The following SMYD3 variants were observed in gnomAD, a reference collection of about 807,000 sequenced individuals.
SMYD3 encodes histone-lysine N-methyltransferase SMYD3.
Under a neutral mutation model 57.7 loss-of-function variants are expected in SMYD3, and 36 were observed. The observed-to-expected ratio is 0.62, with a 90% confidence interval of 0.48 to 0.82. The LOEUF (loss-of-function observed/expected upper bound fraction) is 0.82. Among genes scored for constraint, SMYD3 ranks in the 40% least tolerant of loss-of-function variants. The pLI is 0.00. For missense variants in SMYD3, 515 were observed against 538.8 expected, an observed-to-expected ratio of 0.96 and a Z score of 0.44; for synonymous variants, 211 against 195.0, an observed-to-expected ratio of 1.08 and a Z score of -0.68.
chr1:246,336,173 T>C (rs1291307237), intron 2 of SMYD3, among the ~76,000 whole-genome samples: 14 of 152,238 alleles, frequency 9.2e-5, no homozygotes, highest in East Asian at 1.9e-4. Flanking sequence ...AAAGAGACCA[T>C]TGAGTCAGTT....
intron 5 of SMYD3, among the ~76,000 whole-genome samples, chr1:246,176,364 G>T (rs2062434264): frequency 6.6e-6 from 1 of 152,128 alleles, no homozygotes; most frequent in African/African-American, 2.4e-5. Context: ...GCCCTTGGCA[G>T]AAAGAGATAA....
intron 5 of SMYD3, among the ~76,000 whole-genome samples, chr1:246,085,559 C>T (rs917346097): frequency 2.6e-5 from 4 of 152,154 alleles, no homozygotes; most frequent in Non-Finnish European, 5.9e-5. Context: ...CATGCAGTGA[C>T]ATAGAGACCT....
At chr1:245,929,971 G>C in intron 5 of SMYD3, 34 bp from the exon 6 acceptor site, 1 of 1,579,352 alleles carries the variant, frequency 6.3e-7, no homozygotes, top group South Asian at 1.1e-5. Flanking sequence ...AGTATTACTA[G>C]AGTCACTTAA....
intron 2 of SMYD3, among the ~76,000 whole-genome samples, chr1:246,347,434 G>T (rs72778112): frequency 0.15 from 23,137 of 152,158 alleles, 2,029 homozygotes; most frequent in East Asian, 0.3. Context: ...AGAGAAGCCA[G>T]ATTTTTATAG....
At chr1:246,299,755 G>A (rs182228416) in intron 5 of SMYD3, among the ~76,000 whole-genome samples, 28 of 152,214 alleles carry the variant, frequency 1.8e-4, no homozygotes, top group African/African-American at 6.7e-4. Flanking sequence ...AACACCGCAT[G>A]TTCTCACTTG....
chr1:245,970,799 A>G (rs2058280096), intron 5 of SMYD3, among the ~76,000 whole-genome samples: 1 of 152,230 alleles, frequency 6.6e-6, no homozygotes, highest in African/African-American at 2.4e-5. Flanking sequence ...GGGAAACAAC[A>G]GGTGCTGGAG....
intron 5 of SMYD3, among the ~76,000 whole-genome samples, chr1:246,179,609 G>A (rs1283974542): frequency 6.6e-6 from 1 of 152,196 alleles, no homozygotes; most frequent in Admixed American, 6.5e-5. Flanking sequence ...TTTGGGAAAT[G>A]TAATAGCAAG....
intron 5 of SMYD3, among the ~76,000 whole-genome samples, chr1:246,267,916 G>A (rs900617271): frequency 6.6e-6 from 1 of 152,178 alleles, no homozygotes; most frequent in Non-Finnish European, 1.5e-5. Context: ...CCCTAAAGAA[G>A]CAAGATCATT....
intron 1 of SMYD3, among the ~76,000 whole-genome samples, chr1:246,494,725 C>T (rs2068329338): frequency 6.6e-6 from 1 of 152,170 alleles, no homozygotes. Context: ...AAAATGCTAA[C>T]AAGGATTAAA....
intron 9 of SMYD3, 28 bp from the exon 10 acceptor site, chr1:245,858,698 T>G (rs774236199): frequency 1.9e-6 from 3 of 1,599,032 alleles, no homozygotes; most frequent in Middle Eastern, 1.7e-4. Context: ...TAAGGATTCA[T>G]TGTCTTCATC....
intron 1 of SMYD3, among the ~76,000 whole-genome samples, chr1:246,446,751 C>T (rs184272194): frequency 2.2e-3 from 328 of 152,106 alleles, no homozygotes; most frequent in African/African-American, 7.5e-3. Flanking sequence ...CATCCTAGGC[C>T]GGGCGCTGTG....
intron 10 of SMYD3, among the ~76,000 whole-genome samples, chr1:245,807,011 T>C (rs1453533182): frequency 6.7e-6 from 1 of 150,310 alleles, no homozygotes; most frequent in Non-Finnish European, 1.5e-5. Context: ...TGAGTCAGGA[T>C]TGAGGACAGG....
intron 5 of SMYD3, among the ~76,000 whole-genome samples, chr1:246,197,427 C>T (rs1185955570): frequency 1.3e-5 from 2 of 152,012 alleles, no homozygotes; most frequent in Admixed American, 6.6e-5. Context: ...GTAATGAAAA[C>T]GGCACTTTAT....
intron 5 of SMYD3, among the ~76,000 whole-genome samples, chr1:246,084,926 T>C (rs2060699035): frequency 1.3e-5 from 2 of 152,178 alleles, no homozygotes; most frequent in Admixed American, 1.3e-4. Flanking sequence ...TTAGAGCACA[T>C]TATTTTACCC....
At chr1:246,238,137 C>T (rs115862101) in intron 5 of SMYD3, among the ~76,000 whole-genome samples, 8,985 of 152,108 alleles carry the variant, frequency 0.059, 426 homozygotes, top group African/African-American at 0.12. Context: ...GATCTCGGCT[C>T]ACTGCAGCCT....
intron 10 of SMYD3, among the ~76,000 whole-genome samples, chr1:245,783,031 C>T (rs545519177): frequency 1.2e-4 from 18 of 152,326 alleles, no homozygotes; most frequent in African/African-American, 3.6e-4. Flanking sequence ...AGCAGACATA[C>T]GCAGTCATTT....
chr1:245,947,434 T>G, intron 5 of SMYD3: 1 of 457,082 alleles, frequency 2.2e-6, no homozygotes, highest in Non-Finnish European at 4.4e-6. Context: ...CCCAATTGTT[T>G]CCTGTTTTGT....
intron 5 of SMYD3, among the ~76,000 whole-genome samples, chr1:245,974,000 T>C (rs2058363443): frequency 6.6e-6 from 1 of 152,174 alleles, no homozygotes; most frequent in Non-Finnish European, 1.5e-5. Context: ...CATTAATACC[T>C]ATGCTTATAG....
intron 5 of SMYD3, among the ~76,000 whole-genome samples, chr1:246,175,778 T>C (rs2062422753): frequency 6.6e-6 from 1 of 152,230 alleles, no homozygotes; most frequent in Non-Finnish European, 1.5e-5. Context: ...TGGGAGAATA[T>C]GTCAATCACC....
Sources: gnomAD v4.1 joint callset for allele counts (sites outside exome capture counted in the v4.1 genomes callset) on GRCh38, gnomAD v4.1.1 for gene constraint, MANE v1.5 for transcripts, NCBI Gene and HGNC (gene_info 2026-07-23, HGNC 2026-07-21) for gene names.